ADAMTS6: variants seen among roughly 807,000 people sequenced by gnomAD.
ADAMTS6 encodes ADAM metallopeptidase with thrombospondin type 1 motif 6, also known as A disintegrin and metalloproteinase with thrombospondin motifs 6.
A neutral mutation model predicts 144.3 loss-of-function variants in ADAMTS6; 23 were observed. The ratio of observed to expected loss-of-function variants is 0.16; its 90% CI spans 0.11 to 0.23. The LOEUF (loss-of-function observed/expected upper bound fraction) is 0.23, where lower values mean the gene tolerates loss of function less well. Among genes scored for constraint, ADAMTS6 ranks in the 10% least tolerant of loss-of-function variants. ADAMTS6 has a pLI of 1.00. For missense variants in ADAMTS6, 999 were observed against 1,379.6 expected (o/e 0.72, Z 4.37); for synonymous variants, 444 against 457.5 (o/e 0.97, Z 0.38).
At chr5:65,248,712 G>T (rs979260102) in intron 14 of ADAMTS6, among the ~76,000 whole-genome samples, 1 of 152,092 alleles carries the variant, frequency 6.6e-6, no homozygotes. Flanking sequence ...GCTTGAGCCT[G>T]GGTGGCAGAG....
chr5:65,258,026 A>G (rs1760838870), intron 14 of ADAMTS6, among the ~76,000 whole-genome samples: 2 of 152,236 alleles, frequency 1.3e-5, no homozygotes, highest in Non-Finnish European at 2.9e-5. Context: ...CTAAAAGATC[A>G]TCATAATTGA....
At chr5:65,376,106 T>C (rs1751506794) in intron 7 of ADAMTS6, among the ~76,000 whole-genome samples, 6 of 146,494 alleles carry the variant, frequency 4.1e-5, no homozygotes, top group Admixed American at 2.8e-4. Context: ...CTCTGGGGCC[T>C]GTTGTGGGGT....
chr5:65,475,145 A>G (rs1007725980), intron 1 of ADAMTS6, among the ~76,000 whole-genome samples: 1 of 152,190 alleles, frequency 6.6e-6, no homozygotes, highest in African/African-American at 2.4e-5. Flanking sequence ...AGAATGAATA[A>G]ATGAATAGTG....
At chr5:65,189,445 T>G (rs1754872468) in intron 21 of ADAMTS6, among the ~76,000 whole-genome samples, 1 of 152,196 alleles carries the variant, frequency 6.6e-6, no homozygotes, top group South Asian at 2.1e-4. Context: ...CCCTGTCAAG[T>G]GAAATTAGCT....
intron 7 of ADAMTS6, among the ~76,000 whole-genome samples, chr5:65,409,146 G>A (rs375894119): frequency 1.3e-5 from 2 of 152,084 alleles, no homozygotes; most frequent in South Asian, 2.1e-4. Flanking sequence ...AAATAACTAA[G>A]ATCAGAGCAG....
intron 7 of ADAMTS6, among the ~76,000 whole-genome samples, chr5:65,380,971 C>G (rs1342427224): frequency 6.6e-6 from 1 of 152,140 alleles, no homozygotes; most frequent in Non-Finnish European, 1.5e-5. Flanking sequence ...ATTCTGGCTA[C>G]TGATTGAGGA....
intron 18 of ADAMTS6, among the ~76,000 whole-genome samples, chr5:65,217,843 T>G (rs1561290630): frequency 6.6e-6 from 1 of 152,224 alleles, no homozygotes; most frequent in Non-Finnish European, 1.5e-5. Flanking sequence ...CTCCTCACTT[T>G]CATGCTGAAA....
chr5:65,158,107 C>T (rs1033072457), intron 24 of ADAMTS6, among the ~76,000 whole-genome samples: 3 of 152,140 alleles, frequency 2.0e-5, no homozygotes, highest in African/African-American at 2.4e-5. Flanking sequence ...GGAATGTGAA[C>T]CTGCATGCTA....
chr5:65,175,261 G>GGAGAGA (rs372773284), intron 22 of ADAMTS6, among the ~76,000 whole-genome samples: 2 of 148,460 alleles, frequency 1.3e-5, no homozygotes, highest in African/African-American at 2.5e-5. Flanking sequence ...AGGGAGTCAA[G>GGAGAGA]GAGAGAGAGA....
At chr5:65,466,769 G>A (rs998745160) in intron 3 of ADAMTS6, among the ~76,000 whole-genome samples, 36 of 152,282 alleles carry the variant, frequency 2.4e-4, no homozygotes, top group African/African-American at 7.7e-4. Flanking sequence ...TAGGCCGGGC[G>A]CGGTGGCTCA....
chr5:65,243,975 G>T (rs1258197549), intron 14 of ADAMTS6, among the ~76,000 whole-genome samples: 1 of 151,992 alleles, frequency 6.6e-6, no homozygotes, highest in African/African-American at 2.4e-5. Context: ...CATGAAAAAA[G>T]AACCATCTCA....
At chr5:65,316,187 T>C (rs2367495) in intron 9 of ADAMTS6, among the ~76,000 whole-genome samples, 149,435 of 152,326 alleles carry the variant, frequency 0.98, 73,321 homozygotes, top group African/African-American at 0.99. Context: ...GCTAGGATTA[T>C]AGGCATGAGC....
At chr5:65,402,691 C>T (rs1243984385) in intron 7 of ADAMTS6, among the ~76,000 whole-genome samples, 1 of 138,518 alleles carries the variant, frequency 7.2e-6, no homozygotes, top group African/African-American at 3.3e-5. Flanking sequence ...TATCCAAGGA[C>T]ACCCCCCCCC....
At chr5:65,230,828 T>TG (rs370482865) in intron 15 of ADAMTS6, among the ~76,000 whole-genome samples, 21,560 of 57,500 alleles carry the variant, frequency 0.37, 6,696 homozygotes, top group African/African-American at 0.69. Context: ...TACATATGTA[T>TG]AAATATATAT....
chr5:65,185,263 G>C (rs899905872), intron 22 of ADAMTS6, among the ~76,000 whole-genome samples: 2 of 152,118 alleles, frequency 1.3e-5, no homozygotes, highest in Non-Finnish European at 2.9e-5. Context: ...AAAGAGATGG[G>C]CTGCCTGGTA....
intron 20 of ADAMTS6, among the ~76,000 whole-genome samples, chr5:65,197,805 C>T (rs10065614): frequency 0.67 from 102,126 of 152,134 alleles, 35,040 homozygotes; most frequent in African/African-American, 0.82. Flanking sequence ...CATACATACA[C>T]AGTTCATTCA....
At chr5:65,252,775 A>G (rs1198882174) in intron 14 of ADAMTS6, among the ~76,000 whole-genome samples, 1 of 151,792 alleles carries the variant, frequency 6.6e-6, no homozygotes, top group Non-Finnish European at 1.5e-5. Flanking sequence ...AGACTACTAT[A>G]TTACATGGGC....
intron 11 of ADAMTS6, among the ~76,000 whole-genome samples, chr5:65,279,106 G>C (rs1762789089): frequency 6.6e-6 from 1 of 151,938 alleles, no homozygotes; most frequent in Non-Finnish European, 1.5e-5. Context: ...ACCACGCTCA[G>C]CTAGTTTTTG....
chr5:65,300,629 T>C (rs984067715), intron 9 of ADAMTS6, among the ~76,000 whole-genome samples: 1 of 151,470 alleles, frequency 6.6e-6, no homozygotes, highest in Non-Finnish European at 1.5e-5. Context: ...GTCCTTTTTC[T>C]TTTTCTTTCT....
Sources: allele counts gnomAD v4.1 joint callset (sites outside exome capture counted in the v4.1 genomes callset), GRCh38; gene constraint gnomAD v4.1.1; transcripts MANE v1.5; gene names NCBI Gene and HGNC (gene_info 2026-07-23, HGNC 2026-07-21).